Variants in SLC43A3 observed in about 807,000 individuals in gnomAD.
The protein encoded by SLC43A3 is equilibrative nucleobase transporter 1.
SLC43A3 carries 33 observed loss-of-function variants against 53.3 expected under a neutral mutation model. That is an observed-to-expected ratio of 0.62 (90% confidence interval 0.47 to 0.83). The LOEUF is 0.83. Ranked by LOEUF, SLC43A3 falls within the 40% of genes least tolerant of loss-of-function variation. The pLI is 0.00. For synonymous variants in SLC43A3, 236 were observed against 246.2 expected (o/e 0.96, Z 0.39); for missense variants, 530 against 610.0 (o/e 0.87, Z 1.38).
At position 57,416,239 on chromosome 11, in the gene SLC43A3, G is replaced by A. The variant is rs534295079; in HGVS notation, c.769+334C>T. ...AAGAGAGGGCGGACCCAGGAGACCT[G>A]GAGAAATGGGGGCACTGTACCAGAC... On this transcript the variant is annotated intron_variant, in intron 9 of 13. Coordinates refer to ENST00000395124, the MANE Select transcript of SLC43A3 (RefSeq NM_199329.3). Among the ~76,000 whole-genome samples, 50 of 152,286 alleles carry A rather than the reference G, an allele frequency of 3.3e-4. 1 individual carries two copies. Among genetic ancestry groups the A allele is most frequent in the Non-Finnish European group, 6.3e-4 (43 of 68,020 alleles).
Position 57,407,601 on chromosome 11 carries a change from T to C in SLC43A3, c.*191A>G, listed in dbSNP as rs981271851. On this transcript the variant is annotated 3_prime_UTR_variant, in exon 14 of 14. Coordinates refer to ENST00000395124, the MANE Select transcript of SLC43A3 (RefSeq NM_199329.3). ...ATGCCTTTGCTTTGAGTCTGTGTGATATCAATCTGCTTGGCAACTGAGATT... is the reference window on the plus strand; with the variant it reads ...ATGCCTTTGCTTTGAGTCTGTGTGACATCAATCTGCTTGGCAACTGAGATT... 4 of 561,554 alleles carry C rather than the reference T, an allele frequency of 7.1e-6. No homozygotes were observed. The highest frequency in any genetic ancestry group is 4.6e-4 in the Middle Eastern group (1 of 2,156). The allele number at this position is 561,554 out of a possible 1,614,324, so 34.8% of individuals were successfully genotyped here.
At chr11:57,416,254 C>T (rs192957273) in intron 9 of SLC43A3, among the ~76,000 whole-genome samples, 59 of 152,230 alleles carry the variant, frequency 3.9e-4, no homozygotes, top group African/African-American at 1.4e-3. Flanking sequence ...AATGGGGGCA[C>T]TGTACCAGAC....
Position 57,426,256 on chromosome 11 carries a change from T to G in SLC43A3, c.-84A>C, listed in dbSNP as rs1178690513. ...GCCGTAAGCCTGGCGTTTGAGCACT[T>G]GGAAAATTCCTCTGGCAAGCCAAGC... is the stretch of plus-strand genomic sequence containing the variant. On this transcript the variant is annotated 5_prime_UTR_variant, in exon 3 of 14. Transcript: ENST00000395124. The G allele has an allele frequency of 6.5e-6, 9 of 1,378,978 alleles. No individual in the cohort carries two copies. The highest frequency in any genetic ancestry group is 9.0e-6 in the Non-Finnish European group (9 of 1,001,908). 85.4% of individuals were successfully genotyped at this position (1,378,978 alleles called of 1,614,324 possible). A position where few individuals can be genotyped will look rare whatever the true frequency, so the allele number is the denominator to read the frequency against.
intron 7 of SLC43A3, among the ~76,000 whole-genome samples, chr11:57,418,154 C>T (rs1393267698): frequency 6.6e-6 from 1 of 152,030 alleles, no homozygotes; most frequent in Admixed American, 6.6e-5. Context: ...ATAGTGAGAC[C>T]CTCACCCCTT....
intron 3 of SLC43A3, 85 bp downstream of exon 3, chr11:57,425,904 G>T: frequency 1.4e-6 from 2 of 1,406,546 alleles, no homozygotes; most frequent in East Asian, 2.3e-5. Flanking sequence ...AAAGAGGGGT[G>T]GGCAGGGGGC....
At chr11:57,413,599 G>A (rs1047662224) in intron 11 of SLC43A3, among the ~76,000 whole-genome samples, 2 of 152,154 alleles carry the variant, frequency 1.3e-5, no homozygotes, top group Non-Finnish European at 2.9e-5. Flanking sequence ...AAATAAGTAT[G>A]CAAAATGTTA....
chr11:57,419,269 C>T (rs1014276328), intron 7 of SLC43A3, among the ~76,000 whole-genome samples: 1 of 152,200 alleles, frequency 6.6e-6, no homozygotes, highest in Non-Finnish European at 1.5e-5. Context: ...CCAGTCATCT[C>T]CCTCTTTATT....
At chr11:57,419,287 G>A (rs999194102) in intron 7 of SLC43A3, among the ~76,000 whole-genome samples, 12 of 152,240 alleles carry the variant, frequency 7.9e-5, no homozygotes, top group African/African-American at 2.9e-4. Context: ...ATTCTCCTTG[G>A]TGACTGGTAT....
Position 57,422,490 on chromosome 11 carries a change from G to A in SLC43A3, c.362-1117C>T, listed in dbSNP as rs147615898. On this transcript the variant is annotated intron_variant, in intron 5 of 13. Transcript: ENST00000395124. Reference sequence around the variant, plus strand: ...TGTTAGTGTAGTTCACGTAGTATGCGTGTGCCCCTAACATCCTCTTAACTA... The same window carrying A: ...TGTTAGTGTAGTTCACGTAGTATGCATGTGCCCCTAACATCCTCTTAACTA... Among the ~76,000 whole-genome samples, 224 of 152,246 alleles carry A rather than the reference G, an allele frequency of 1.5e-3. 1 individual carries two copies. Among genetic ancestry groups the A allele is most frequent in the African/African-American group, 5.1e-3 (211 of 41,526 alleles).
chr11:57,409,710 G>A lies in SLC43A3; in HGVS notation c.1247+225C>T, dbSNP rs551417640. Among the ~76,000 whole-genome samples, 19 of 152,340 alleles carry A rather than the reference G, an allele frequency of 1.2e-4. 2 individuals carry two copies. Among genetic ancestry groups the A allele is most frequent in the Admixed American group, 1.2e-3 (19 of 15,308 alleles). ...TCAGAGGATGAATACGAGTTCACCAGGTAGAAAACAGAGGGAGAGGGCACC... is the reference window on the plus strand; with the variant it reads ...TCAGAGGATGAATACGAGTTCACCAAGTAGAAAACAGAGGGAGAGGGCACC... On this transcript the variant is annotated intron_variant, in intron 12 of 13. Coordinates refer to ENST00000395124, the MANE Select transcript of SLC43A3 (RefSeq NM_199329.3).
chr11:57,421,506 C>T (rs979966059), intron 5 of SLC43A3, 133 bp from the exon 6 acceptor site: 4 of 662,866 alleles, frequency 6.0e-6, no homozygotes, highest in Non-Finnish European at 1.1e-5. Flanking sequence ...AGCGTTCCAG[C>T]GTCCTTCAAG....
At chr11:57,418,143 C>T (rs1375325567) in intron 7 of SLC43A3, among the ~76,000 whole-genome samples, 2 of 152,150 alleles carry the variant, frequency 1.3e-5, no homozygotes, top group African/African-American at 4.8e-5. Flanking sequence ...GCCTTGACAA[C>T]ATAGTGAGAC....
Position 57,418,207 on chromosome 11 carries a change from C to T in SLC43A3, c.532-320G>A, listed in dbSNP as rs377691685. On this transcript the variant is annotated intron_variant, in intron 7 of 13. Coordinates refer to ENST00000395124, the MANE Select transcript of SLC43A3 (RefSeq NM_199329.3). ...TTAATTAGCTGGGTGTGGTGGCATA[C>T]ACCTGTAGTGCCAGCTACTCAGGAG... Among the ~76,000 whole-genome samples, 25 of 152,188 alleles carry T rather than the reference C, an allele frequency of 1.6e-4. No homozygotes were observed. The South Asian group carries it at 3.3e-3, about 20-fold the overall frequency.
intron 11 of SLC43A3, 65 bp downstream of exon 11, chr11:57,414,550 A>G (rs1590687787): frequency 1.5e-6 from 1 of 672,178 alleles, no homozygotes; most frequent in Admixed American, 2.1e-5. Context: ...AGAAGATGTC[A>G]TGGGGTAAAT....
chr11:57,414,559 A>G, intron 11 of SLC43A3, 56 bp downstream of exon 11: 1 of 903,966 alleles, frequency 1.1e-6, no homozygotes, highest in African/African-American at 1.7e-5. Flanking sequence ...CATGGGGTAA[A>G]TGAAGACCTC....
At chr11:57,413,571 T>A (rs973436819) in intron 11 of SLC43A3, among the ~76,000 whole-genome samples, 1 of 152,092 alleles carries the variant, frequency 6.6e-6, no homozygotes, top group African/African-American at 2.4e-5. Context: ...GGTGCATGGG[T>A]GGGGGAAGGG....
intron 5 of SLC43A3, among the ~76,000 whole-genome samples, chr11:57,422,001 A>G (rs1443325562): frequency 6.6e-6 from 1 of 152,240 alleles, no homozygotes; most frequent in East Asian, 1.9e-4. Context: ...ACAAATGGTT[A>G]TAACAGGTCT....
At chr11:57,421,421 A>C in intron 5 of SLC43A3, 48 bp from the exon 6 acceptor site, 1 of 1,411,128 alleles carries the variant, frequency 7.1e-7, no homozygotes, top group Non-Finnish European at 1.0e-6. Flanking sequence ...TGCAACCCAA[A>C]CATGGAGCCC....
chr11:57,409,532 G>A (rs767027114), intron 12 of SLC43A3, among the ~76,000 whole-genome samples: 1 of 152,210 alleles, frequency 6.6e-6, no homozygotes, highest in Non-Finnish European at 1.5e-5. Context: ...CCTCATGCAG[G>A]CTGCACCAGG....
Sources: gnomAD v4.1 joint callset for allele counts (sites outside exome capture counted in the v4.1 genomes callset) on GRCh38, gnomAD v4.1.1 for gene constraint, MANE v1.5 for transcripts, NCBI Gene and HGNC (gene_info 2026-07-23, HGNC 2026-07-21) for gene names.